Variants in ZNF599 observed in about 807,000 individuals in gnomAD.
The protein encoded by ZNF599 is zinc finger protein 599.
A neutral mutation model predicts 11.7 loss-of-function variants in ZNF599; 10 were observed. The observed-to-expected ratio is 0.86, with a 90% CI of 0.53 to 1.45. The LOEUF is 1.45. ZNF599 is among the 40% of genes most tolerant of loss of function. The pLI is 0.00. For missense variants in ZNF599, 688 were observed against 713.6 expected, an observed-to-expected ratio of 0.96 and a Z score of 0.41; for synonymous variants, 232 against 253.2, an observed-to-expected ratio of 0.92 and a Z score of 0.79.
At position 34,772,501 on chromosome 19, in the gene ZNF599, G is replaced by T. The variant is rs921160977; in HGVS notation, c.18+323C>A. On this transcript the variant is annotated intron_variant, in intron 1 of 3. Transcript: ENST00000329285. ...GAAAGACAGGACCCACGTCACAAGC[G>T]TACCCTCTCCAGCTCCCTCCACAGA... 20 of 1,264,038 alleles carry T rather than the reference G, an allele frequency of 1.6e-5. No homozygotes were observed. In the African/African-American group the frequency reaches 3.0e-4, roughly 19 times the overall value. 78.3% of individuals were successfully genotyped at this position (1,264,038 alleles called of 1,614,324 possible).
At chr19:34,787,109 C>A in the ZNF599 span, among the ~76,000 whole-genome samples, 2 of 152,042 alleles carry the variant, frequency 1.3e-5, no homozygotes, top group African/African-American at 4.8e-5. Flanking sequence ...TCATTAAAAT[C>A]CAGTGAATAA....
In ZNF599 at chr19:34,769,649, T is replaced by C. The variant is rs2069169433; in HGVS notation, c.19-94A>G. 2.7e-6 allele frequency: 4 copies of C among 1,474,556 alleles called. No individual in the cohort carries two copies. In the East Asian group the frequency reaches 6.9e-5, roughly 25 times the overall value. The allele number at this position is 1,474,556 out of a possible 1,614,324, so 91.3% of individuals were successfully genotyped here. ...TTACTGGCAAAGGGTCCAGAGACCCTGAACCACTGAGCAACTCCTGAGAAC... is the reference window on the plus strand; with the variant it reads ...TTACTGGCAAAGGGTCCAGAGACCCCGAACCACTGAGCAACTCCTGAGAAC... On this transcript the variant is annotated intron_variant, in intron 1 of 3. Coordinates refer to ENST00000329285, the MANE Select transcript of ZNF599 (RefSeq NM_001007248.3).
At chr19:34,767,905 C>G (rs986270758) in intron 2 of ZNF599, among the ~76,000 whole-genome samples, 2 of 152,178 alleles carry the variant, frequency 1.3e-5, no homozygotes, top group Non-Finnish European at 2.9e-5. Flanking sequence ...AGCCAGGAGT[C>G]AGCAGCACCT....
intron 3 of ZNF599, among the ~76,000 whole-genome samples, chr19:34,760,761 G>T (rs529094866): frequency 6.6e-6 from 1 of 152,250 alleles, no homozygotes; most frequent in South Asian, 2.1e-4. Context: ...AGAAGGAAAA[G>T]CAAGGGCAGG....
the ZNF599 span, among the ~76,000 whole-genome samples, chr19:34,806,890 C>T: frequency 6.6e-6 from 1 of 152,200 alleles, no homozygotes; most frequent in Non-Finnish European, 1.5e-5. Flanking sequence ...CCTCCTGCCT[C>T]CTTGACTCTT....
intron 1 of ZNF599, 88 bp downstream of exon 1, chr19:34,772,736 C>T (rs948936724): frequency 6.5e-7 from 1 of 1,530,424 alleles, no homozygotes; most frequent in Non-Finnish European, 8.7e-7. Flanking sequence ...GGGAGAAGCA[C>T]AGAGTCCCGG....
chr19:34,771,780 A>G (rs957388275), intron 1 of ZNF599, among the ~76,000 whole-genome samples: 4 of 152,240 alleles, frequency 2.6e-5, no homozygotes, highest in Non-Finnish European at 4.4e-5. Context: ...TAAGTGGTAC[A>G]GGCCCAGAAC....
chr19:34,761,429 C>T (rs1009342589), intron 3 of ZNF599, among the ~76,000 whole-genome samples: 1 of 152,118 alleles, frequency 6.6e-6, no homozygotes. Flanking sequence ...TAGGGTTTTT[C>T]ACAGATATTG....
At chr19:34,803,314 G>T in the ZNF599 span, among the ~76,000 whole-genome samples, 1 of 152,166 alleles carries the variant, frequency 6.6e-6, no homozygotes, top group Admixed American at 6.5e-5. Context: ...AAAAGGAAAG[G>T]CAGAATCTAG....
chr19:34,800,586 G>GTTTTTTTTTTTTTTTTTTTTTTTTTTTT, the ZNF599 span, among the ~76,000 whole-genome samples: 2 of 112,978 alleles, frequency 1.8e-5, no homozygotes, highest in African/African-American at 3.4e-5. Flanking sequence ...CATTTCCTTT[G>GTTTTTTTTTTTTTTTTTTTTTTTTTTTT]TTTTTTTTTT....
At chr19:34,781,669 A>G in the ZNF599 span, among the ~76,000 whole-genome samples, 1 of 152,244 alleles carries the variant, frequency 6.6e-6, no homozygotes, top group Non-Finnish European at 1.5e-5. Context: ...GATGCAGTGC[A>G]GAAATGATAG....
At chr19:34,775,090 A>G (rs895224313), upstream of ZNF599, among the ~76,000 whole-genome samples, 6 of 152,174 alleles carry the variant, frequency 3.9e-5, no homozygotes, top group African/African-American at 9.7e-5. Context: ...CTGAGGCCTC[A>G]CCAGAAATTG....
chr19:34,786,760 C>T, the ZNF599 span, among the ~76,000 whole-genome samples: 1 of 152,164 alleles, frequency 6.6e-6, no homozygotes, highest in African/African-American at 2.4e-5. Flanking sequence ...TCTGTGGCCA[C>T]CCAAGCTGAT....
the ZNF599 span, among the ~76,000 whole-genome samples, chr19:34,791,478 C>A: frequency 6.6e-6 from 1 of 152,168 alleles, no homozygotes; most frequent in Admixed American, 6.5e-5. Context: ...TTGTGCTGGG[C>A]TGCTGATATT....
chr19:34,792,067 A>G, the ZNF599 span, among the ~76,000 whole-genome samples: 1 of 152,336 alleles, frequency 6.6e-6, no homozygotes, highest in East Asian at 1.9e-4. Flanking sequence ...GGAAACCAAC[A>G]GCACAAAAAC....
At chr19:34,782,045 A>G in the ZNF599 span, among the ~76,000 whole-genome samples, 1 of 152,236 alleles carries the variant, frequency 6.6e-6, no homozygotes, top group African/African-American at 2.4e-5. Context: ...GAACAGGGAC[A>G]GGTTACTGAT....
At chr19:34,799,617 G>A in the ZNF599 span, among the ~76,000 whole-genome samples, 3 of 152,176 alleles carry the variant, frequency 2.0e-5, no homozygotes, top group African/African-American at 7.2e-5. Context: ...GGGCCTTTAA[G>A]GACCTAATTA....
At chr19:34,769,313 G>A (rs1024930322) in intron 2 of ZNF599, 116 bp downstream of exon 2, 27 of 1,410,574 alleles carry the variant, frequency 1.9e-5, no homozygotes, top group Middle Eastern at 1.8e-4. Context: ...ACAACGTGCT[G>A]AGGCTGCAGG....
rs1008453368 is a variant in ZNF599 at position 34,773,179 on chromosome 19, C to T, written c.-338G>A. ...CCCAGTGTAGCGTTGGCAACCACAG[C>T]AGCCGCAACCTAACGGCGGACGAAG... On this transcript the variant is annotated 5_prime_UTR_variant, in exon 1 of 4. Coordinates refer to ENST00000329285, the MANE Select transcript of ZNF599 (RefSeq NM_001007248.3). The T allele has an allele frequency of 9.2e-6, 3 of 325,394 alleles. No individual in the cohort carries two copies. The highest frequency in any genetic ancestry group is 1.1e-5 in the Non-Finnish European group (2 of 179,084). The allele number at this position is 325,394 out of a possible 1,614,324, so 20.2% of individuals were successfully genotyped here.
Sources: gnomAD v4.1 joint callset for allele counts (sites outside exome capture counted in the v4.1 genomes callset) on GRCh38, gnomAD v4.1.1 for gene constraint, MANE v1.5 for transcripts, NCBI Gene and HGNC (gene_info 2026-07-23, HGNC 2026-07-21) for gene names.